The following TMPRSS11E variants were observed in gnomAD, a reference collection of about 807,000 sequenced individuals.
TMPRSS11E encodes the protein transmembrane protease serine 11E.
A neutral mutation model predicts 48.1 loss-of-function variants in TMPRSS11E; 38 were observed. That is an observed-to-expected ratio of 0.79 (90% confidence interval 0.61 to 1.04). TMPRSS11E has a LOEUF of 1.04. Ranked by LOEUF, TMPRSS11E falls within the 50% of genes least tolerant of loss-of-function variation. TMPRSS11E has a pLI of 0.00. For synonymous variants in TMPRSS11E, 158 were observed against 171.9 expected (o/e 0.92, Z 0.63); for missense variants, 530 against 510.8 (o/e 1.04, Z -0.36).
intron 9 of TMPRSS11E, among the ~76,000 whole-genome samples, chr4:68,495,983 G>T (rs950758460): frequency 1.3e-5 from 2 of 152,054 alleles, no homozygotes; most frequent in African/African-American, 4.8e-5. Flanking sequence ...GCCATATAAA[G>T]AATCAAAACT....
At chr4:68,457,559 AG>A (rs1728667146) in intron 1 of TMPRSS11E, among the ~76,000 whole-genome samples, 1 of 152,194 alleles carries the variant, frequency 6.6e-6, no homozygotes, top group Non-Finnish European at 1.5e-5. Flanking sequence ...ATATACCAAA[AG>A]GATTATAAAT....
intron 9 of TMPRSS11E, among the ~76,000 whole-genome samples, chr4:68,481,958 C>T (rs1025635760): frequency 6.6e-6 from 1 of 152,006 alleles, no homozygotes; most frequent in African/African-American, 2.4e-5. Context: ...AACAAACAAA[C>T]TAACAAAACC....
chr4:68,470,073 A>G (rs192769389), intron 4 of TMPRSS11E, among the ~76,000 whole-genome samples: 1 of 151,986 alleles, frequency 6.6e-6, no homozygotes, highest in Non-Finnish European at 1.5e-5. Flanking sequence ...GAGATGTTGA[A>G]TTTACATTCT....
chr4:68,458,751 T>C (rs1452936296), intron 1 of TMPRSS11E, among the ~76,000 whole-genome samples: 1 of 151,874 alleles, frequency 6.6e-6, no homozygotes, highest in Non-Finnish European at 1.5e-5. Context: ...AGCTAAAAAA[T>C]AGGGTGAATC....
rs141071822 is a variant in TMPRSS11E, at chr4:68,478,149, C to CTTTTTTT, written c.967+531_967+537dup. Among the ~76,000 whole-genome samples, 41 of 134,198 alleles carry CTTTTTTT rather than the reference C, an allele frequency of 3.1e-4. 1 individual carries two copies. Among genetic ancestry groups the CTTTTTTT allele is most frequent in the South Asian group, 4.5e-4 (2 of 4,446 alleles). The allele number at this position is 134,198 out of a possible 152,430, so 88.0% of individuals were successfully genotyped here. On this transcript the variant is annotated intron_variant, in intron 8 of 9. Coordinates refer to ENST00000305363, the MANE Select transcript of TMPRSS11E (RefSeq NM_014058.4). ...GTAGTCTAAGATTCTGTATCACTAT[C>CTTTTTTT]TTTTTTTTTTTTTTTTGAGACAGAG...
chr4:68,471,318 C>G, intron 4 of TMPRSS11E, 142 bp from the exon 5 acceptor site: 1 of 494,492 alleles, frequency 2.0e-6, no homozygotes, highest in Non-Finnish European at 3.4e-6. Context: ...CCTTTCCCTT[C>G]TCCTTCCTTC....
chr4:68,463,756 A>T (rs1372160247), intron 2 of TMPRSS11E, among the ~76,000 whole-genome samples: 1 of 152,180 alleles, frequency 6.6e-6, no homozygotes, highest in African/African-American at 2.4e-5. Flanking sequence ...TCTAGAATTT[A>T]TCAGAATCTT....
chr4:68,461,244 G>T (rs965408525), intron 1 of TMPRSS11E, among the ~76,000 whole-genome samples: 20 of 152,146 alleles, frequency 1.3e-4, no homozygotes, highest in African/African-American at 4.8e-4. Context: ...CTTTAGGAAG[G>T]GGCCTCTGGT....
intron 1 of TMPRSS11E, among the ~76,000 whole-genome samples, chr4:68,447,843 AT>A (rs540155565): frequency 2.1e-4 from 32 of 151,996 alleles, no homozygotes; most frequent in African/African-American, 7.0e-4. Context: ...GATATAACAT[AT>A]TTTTAGCTTG....
At chr4:68,468,981 A>G (rs1396580500) in intron 4 of TMPRSS11E, 35 bp downstream of exon 4, 1 of 1,477,102 alleles carries the variant, frequency 6.8e-7, no homozygotes, top group East Asian at 2.3e-5. Context: ...TCTGAATTTA[A>G]AGTTGAAGCT....
chr4:68,462,220 A>T (rs1728809517), intron 2 of TMPRSS11E, among the ~76,000 whole-genome samples: 1 of 152,080 alleles, frequency 6.6e-6, no homozygotes, highest in Non-Finnish European at 1.5e-5. Context: ...TCAAAGGAAA[A>T]CTACAGGATA....
chr4:68,459,946 A>T (rs1034834847), intron 1 of TMPRSS11E, among the ~76,000 whole-genome samples: 4 of 152,206 alleles, frequency 2.6e-5, no homozygotes, highest in Admixed American at 2.0e-4. Context: ...GCTCAGTTGC[A>T]CATAAAACAT....
chr4:68,453,838 G>A (rs923747591), intron 1 of TMPRSS11E, among the ~76,000 whole-genome samples: 1 of 151,880 alleles, frequency 6.6e-6, no homozygotes, highest in Non-Finnish European at 1.5e-5. Context: ...AAAATAATTA[G>A]GAATCTAGTC....
At chr4:68,488,862 A>T (rs1274557353) in intron 9 of TMPRSS11E, among the ~76,000 whole-genome samples, 1 of 152,140 alleles carries the variant, frequency 6.6e-6, no homozygotes, top group Non-Finnish European at 1.5e-5. Context: ...TAAAATGGCA[A>T]TTTCATCTTT....
rs568546860 is a variant in TMPRSS11E at position 68,466,883 on chromosome 4, C to T, written c.258+131C>T. 5.1e-6 allele frequency: 6 copies of T among 1,174,888 alleles called. No homozygotes were observed. The Admixed American group carries it at 1.3e-4, about 25-fold the overall frequency. The allele number at this position is 1,174,888 out of a possible 1,614,324, so 72.8% of individuals were successfully genotyped here. On this transcript the variant is annotated intron_variant, in intron 3 of 9. Transcript: ENST00000305363. Reference sequence around the variant, plus strand: ...TTTGCAAAATGAAAAGAGGCCCTAACCCAAGGAATATAAAACAAAATGGAC... The same window carrying T: ...TTTGCAAAATGAAAAGAGGCCCTAATCCAAGGAATATAAAACAAAATGGAC...
chr4:68,485,941 G>C (rs891644708), intron 9 of TMPRSS11E, among the ~76,000 whole-genome samples: 2 of 152,016 alleles, frequency 1.3e-5, no homozygotes, highest in African/African-American at 4.8e-5. Context: ...GTGCACAGAG[G>C]TGTTTACAAT....
At chr4:68,496,163 G>A (rs1295698745) in intron 9 of TMPRSS11E, among the ~76,000 whole-genome samples, 1 of 151,988 alleles carries the variant, frequency 6.6e-6, no homozygotes, top group Non-Finnish European at 1.5e-5. Context: ...TAAATTAAAG[G>A]TCTTAGCCAG....
At chr4:68,465,293 C>A (rs1026254473) in intron 2 of TMPRSS11E, among the ~76,000 whole-genome samples, 28 of 152,166 alleles carry the variant, frequency 1.8e-4, no homozygotes, top group Non-Finnish European at 1.5e-5. Context: ...ACCAACCGCA[C>A]CCAAGCCCTT....
At chr4:68,491,871 C>CTG (rs35847578) in intron 9 of TMPRSS11E, among the ~76,000 whole-genome samples, 76,378 of 151,682 alleles carry the variant, frequency 0.5, 21,505 homozygotes, top group Non-Finnish European at 0.65. Context: ...CGCATGAACA[C>CTG]TATCTGTATT....
Sources: allele counts gnomAD v4.1 joint callset (sites outside exome capture counted in the v4.1 genomes callset), GRCh38; gene constraint gnomAD v4.1.1; transcripts MANE v1.5; gene names NCBI Gene and HGNC (gene_info 2026-07-23, HGNC 2026-07-21).